ANO4: variants seen among roughly 807,000 people sequenced by gnomAD.
ANO4 encodes the protein anoctamin-4.
ANO4 carries 69 observed loss-of-function variants against 141.9 expected under a neutral mutation model. That is an observed-to-expected ratio of 0.49 (90% CI 0.40 to 0.59). The LOEUF is 0.59. Ranked by LOEUF, ANO4 falls within the 20% of genes least tolerant of loss-of-function variation. ANO4 has a pLI of 0.00. For missense variants in ANO4, 894 were observed against 1,162.2 expected (o/e 0.77, Z 3.36); for synonymous variants, 350 against 394.3 (o/e 0.89, Z 1.33).
chr12:101,062,932 T>A (rs1258348661), intron 14 of ANO4, among the ~76,000 whole-genome samples: 4 of 152,190 alleles, frequency 2.6e-5, no homozygotes, highest in Non-Finnish European at 5.9e-5. Context: ...CACTGGGGTA[T>A]GAAAAATAAT....
At position 101,112,261 on chromosome 12, in the gene ANO4, C is replaced by T. The variant is rs148223479; in HGVS notation, c.2450+551C>T. Among the ~76,000 whole-genome samples the T allele has an allele frequency of 4.2e-3, 639 of 152,228 alleles. 4 individuals are homozygous for T. The highest frequency in any genetic ancestry group is 0.014 in the African/African-American group (593 of 41,522). ...TTCATGGGTATTGACCTGACCAATG[C>T]CTATATTACCCCAAGCAAGCTGAGT... On this transcript the variant is annotated intron_variant, in intron 24 of 27. Transcript: ENST00000392977.
intron 1 of ANO4, among the ~76,000 whole-genome samples, chr12:100,865,092 A>G (rs2038685833): frequency 6.6e-6 from 1 of 152,172 alleles, no homozygotes; most frequent in South Asian, 2.1e-4. Flanking sequence ...CAATAAACAT[A>G]TGTGTGCATG....
chr12:101,114,179 C>A (rs2050765809), intron 24 of ANO4, among the ~76,000 whole-genome samples: 1 of 152,202 alleles, frequency 6.6e-6, no homozygotes, highest in South Asian at 2.1e-4. Flanking sequence ...AACAATGGGT[C>A]AGTGAGTTGA....
At chr12:100,974,712 ATC>A in intron 6 of ANO4, 131 bp from the exon 7 acceptor site, 1 of 915,608 alleles carries the variant, frequency 1.1e-6, no homozygotes, top group Non-Finnish European at 1.8e-6. Flanking sequence ...CTCACTGTTA[ATC>A]TCTTTTTAGT....
At chr12:100,975,032 T>G (rs2136285116) in intron 7 of ANO4, 143 bp downstream of exon 7, 517 of 795,756 alleles carry the variant, frequency 6.5e-4, no homozygotes, top group East Asian at 8.3e-4. Flanking sequence ...AAATCAGCTG[T>G]GTCTGATTAG....
At chr12:100,867,862 T>C (rs573626540) in intron 1 of ANO4, among the ~76,000 whole-genome samples, 2 of 152,262 alleles carry the variant, frequency 1.3e-5, no homozygotes, top group African/African-American at 4.8e-5. Flanking sequence ...GTTTTAGGAG[T>C]GTCATTTTGC....
intron 2 of ANO4, among the ~76,000 whole-genome samples, chr12:100,912,002 G>T (rs78529540): frequency 6.6e-6 from 1 of 152,072 alleles, no homozygotes; most frequent in Non-Finnish European, 1.5e-5. Context: ...AGTCTGTGAG[G>T]TGGAATTATG....
intron 1 of ANO4, among the ~76,000 whole-genome samples, chr12:100,853,480 G>A (rs1321919484): frequency 6.6e-6 from 1 of 152,010 alleles, no homozygotes; most frequent in Non-Finnish European, 1.5e-5. Flanking sequence ...GCCCTAATTT[G>A]AATGTTTTCA....
chr12:101,103,870 G>A (rs999153705), intron 22 of ANO4, among the ~76,000 whole-genome samples: 2 of 151,802 alleles, frequency 1.3e-5, no homozygotes, highest in Admixed American at 6.6e-5. Context: ...TTCTTCACAG[G>A]AAGAACTTTA....
chr12:100,831,745 TG>T (rs1339813821), intron 1 of ANO4, among the ~76,000 whole-genome samples: 3 of 152,096 alleles, frequency 2.0e-5, no homozygotes, highest in African/African-American at 7.2e-5. Context: ...TCAGAAAACA[TG>T]GGTTTTGCAT....
At chr12:100,739,030 A>AT (rs199533211) in intron 2 of ANO4, among the ~76,000 whole-genome samples, 17,944 of 42,906 alleles carry the variant, frequency 0.42, 3,149 homozygotes, top group African/African-American at 0.58. Flanking sequence ...ATATATATAT[A>AT]ATCTCTAAAT....
chr12:101,108,490 C>T (rs193263901), intron 22 of ANO4, among the ~76,000 whole-genome samples: 20 of 152,218 alleles, frequency 1.3e-4, no homozygotes, highest in Non-Finnish European at 4.4e-5. Context: ...AATAGTAGTA[C>T]CCACCACCTA....
At chr12:100,965,235 C>T (rs958094957) in intron 5 of ANO4, among the ~76,000 whole-genome samples, 1 of 152,114 alleles carries the variant, frequency 6.6e-6, no homozygotes, top group African/African-American at 2.4e-5. Context: ...GCCAAATAAC[C>T]TCTTCATCAT....
At chr12:100,845,240 T>C (rs2037496722) in intron 1 of ANO4, among the ~76,000 whole-genome samples, 1 of 152,084 alleles carries the variant, frequency 6.6e-6, no homozygotes, top group Non-Finnish European at 1.5e-5. Context: ...GCACATAGTT[T>C]TTCAAAGAAG....
chr12:100,838,055 A>T (rs2037036848), intron 1 of ANO4, among the ~76,000 whole-genome samples: 1 of 152,014 alleles, frequency 6.6e-6, no homozygotes, highest in African/African-American at 2.4e-5. Flanking sequence ...TAGGGGGCAT[A>T]GTGGACTTGC....
intron 5 of ANO4, among the ~76,000 whole-genome samples, chr12:100,964,816 CTCTA>C (rs1254374726): frequency 3.9e-5 from 6 of 152,156 alleles, no homozygotes; most frequent in African/African-American, 1.4e-4. Flanking sequence ...GTCCACACCA[CTCTA>C]TCTAAAATAG....
At chr12:100,840,071 A>AGTG (rs1447377408) in intron 1 of ANO4, among the ~76,000 whole-genome samples, 1 of 152,160 alleles carries the variant, frequency 6.6e-6, no homozygotes, top group Non-Finnish European at 1.5e-5. Context: ...CATATATATG[A>AGTG]GTGGTGTGTT....
chr12:101,079,310 C>CAA (rs2049147113), intron 15 of ANO4, 35 bp downstream of exon 15: 2 of 1,553,430 alleles, frequency 1.3e-6, no homozygotes, highest in African/African-American at 2.9e-5. Context: ...TTGTAAAAAG[C>CAA]AAATCACCCA....
At chr12:101,096,271 G>T (rs1348695657) in intron 18 of ANO4, among the ~76,000 whole-genome samples, 2 of 152,172 alleles carry the variant, frequency 1.3e-5, no homozygotes, top group African/African-American at 4.8e-5. Flanking sequence ...CAGGTATCCT[G>T]TAAGAGTGGA....
Sources: gnomAD v4.1 joint callset for allele counts (sites outside exome capture counted in the v4.1 genomes callset) on GRCh38, gnomAD v4.1.1 for gene constraint, MANE v1.5 for transcripts, NCBI Gene and HGNC (gene_info 2026-07-23, HGNC 2026-07-21) for gene names.